Variants in CSE1L observed in about 807,000 individuals in gnomAD.
CSE1L encodes exportin-2.
A neutral mutation model predicts 120.4 loss-of-function variants in CSE1L; 24 were observed. The observed-to-expected ratio is 0.20, with a 90% confidence interval of 0.14 to 0.28. CSE1L has a LOEUF of 0.28. Ranked by LOEUF, CSE1L falls within the 10% of genes least tolerant of loss-of-function variation. The pLI, the probability that CSE1L is intolerant of heterozygous loss-of-function variation, is 1.00. For missense variants in CSE1L, 830 were observed against 1,145.2 expected (o/e 0.72, Z 3.97); for synonymous variants, 402 against 398.3 (o/e 1.01, Z -0.11).
intron 15 of CSE1L, among the ~76,000 whole-genome samples, 185 bp from the exon 16 acceptor site, chr20:49,085,098 G>C (rs2092044664): frequency 6.6e-6 from 1 of 152,152 alleles, no homozygotes; most frequent in Non-Finnish European, 1.5e-5. Flanking sequence ...TTCTCGATGT[G>C]CCTTCTTAGG....
intron 2 of CSE1L, among the ~76,000 whole-genome samples, chr20:49,059,656 G>T (rs910807930): frequency 1.6e-4 from 25 of 152,278 alleles, no homozygotes; most frequent in African/African-American, 6.0e-4. Context: ...GAGGTGGGCA[G>T]ATCACGAGGG....
Position 49,090,755 on chromosome 20 carries a change from G to C in CSE1L, c.2195G>C (p.Gly732Ala). 6.2e-7 allele frequency: 1 copy of C among 1,613,776 alleles called. No individual in the cohort carries two copies. Among genetic ancestry groups the C allele is most frequent in the Non-Finnish European group, 8.5e-7 (1 of 1,179,848 alleles). Reference sequence around the variant, plus strand: ...ATTTCTTAACAGCCTGGGTTACTAGGTGTCTTTCAGAAGCTGATTGCATCC... The same window carrying C: ...ATTTCTTAACAGCCTGGGTTACTAGCTGTCTTTCAGAAGCTGATTGCATCC... Reference protein sequence around the residue: ...AAADKIPGLLGVFQKLIASKA... With the variant: ...AAADKIPGLLAVFQKLIASKA... The change falls in exon 20 of 25, where the codon GGT (glycine) becomes GCT (alanine). Residue 732 changes from glycine to alanine, a missense_variant. Transcript: ENST00000262982.
At chr20:49,077,214 C>T in intron 13 of CSE1L, 150 bp downstream of exon 13, 1 of 532,054 alleles carries the variant, frequency 1.9e-6, no homozygotes, top group East Asian at 3.1e-5. Context: ...GGCTGGAGTG[C>T]AGTGGCACAG....
intron 16 of CSE1L, 61 bp from the exon 17 acceptor site, chr20:49,087,948 G>A (rs2092072828): frequency 7.1e-6 from 8 of 1,134,318 alleles, no homozygotes; most frequent in Non-Finnish European, 6.4e-6. Context: ...CCCCCCAGTC[G>A]CTCTCTTATT....
At chr20:49,063,127 T>TAC (rs979155245) in intron 2 of CSE1L, 75 bp from the exon 3 acceptor site, 1 of 631,764 alleles carries the variant, frequency 1.6e-6, no homozygotes, top group Non-Finnish European at 2.2e-6. Context: ...GATTTTTTTT[T>TAC]ATATATATAT....
chr20:49,062,814 T>C (rs2091862365), intron 2 of CSE1L, among the ~76,000 whole-genome samples: 1 of 151,936 alleles, frequency 6.6e-6, no homozygotes, highest in Non-Finnish European at 1.5e-5. Flanking sequence ...TCTTCATCAC[T>C]AGCCTATAAA....
Position 49,068,800 on chromosome 20 carries a change from T to C in CSE1L, c.653T>C (p.Leu218Ser). 6.2e-7 allele frequency: 1 copy of C among 1,611,390 alleles called. No individual in the cohort carries two copies. The highest frequency in any genetic ancestry group is 1.1e-5 in the South Asian group (1 of 91,050). Residue 218 changes from leucine (L) to serine (S), a missense_variant, in exon 7 of 25, where the codon TTG becomes TCG. By Grantham distance (145) the Leu-to-Ser change is moderately radical (BLOSUM62 -2). Transcript: ENST00000262982. ...LFSSLILISKLFYSLNFQDLP... is the reference protein window; with the variant it reads ...LFSSLILISKSFYSLNFQDLP... ...TCTTCCCTGATCCTGATCTCAAAAT[T>C]GTTCTATAGTTTAAACTTTCAGGTA...
At chr20:49,084,227 T>C (rs16994382) in intron 15 of CSE1L, 65 bp downstream of exon 15, 28,169 of 1,431,950 alleles carry the variant, frequency 0.02, 656 homozygotes, top group South Asian at 0.079. Flanking sequence ...GTCAAAGATA[T>C]CTGAATGTTT....
intron 22 of CSE1L, among the ~76,000 whole-genome samples, chr20:49,093,593 T>TG (rs2092117701): frequency 9.2e-6 from 1 of 108,820 alleles, no homozygotes; most frequent in Non-Finnish European, 1.9e-5. Context: ...TTTTTTTTTT[T>TG]GAGACTGGCC....
At chr20:49,082,500 G>T (rs1282003424) in intron 14 of CSE1L, among the ~76,000 whole-genome samples, 2 of 152,056 alleles carry the variant, frequency 1.3e-5, no homozygotes, top group Non-Finnish European at 2.9e-5. Flanking sequence ...TCATTTTTCT[G>T]TTTTTTGTTA....
chr20:49,062,365 T>C (rs1296719789), intron 2 of CSE1L, among the ~76,000 whole-genome samples: 1 of 152,140 alleles, frequency 6.6e-6, no homozygotes, highest in Non-Finnish European at 1.5e-5. Context: ...TCAAAAAATA[T>C]TGGAATATTG....
chr20:49,090,479 C>T (rs922598109), intron 19 of CSE1L, among the ~76,000 whole-genome samples: 1 of 152,116 alleles, frequency 6.6e-6, no homozygotes, highest in Non-Finnish European at 1.5e-5. Context: ...TCGCTTGAAC[C>T]TGGGAAGCAG....
rs572437117 is a variant in CSE1L, at chr20:49,053,609, C to T, written c.-11-4844C>T. ...CAGGTGATCTGCCCCTCTCAGCCTCCCAGAGTGCTGGGATTATAGGTGTGA... is the reference window on the plus strand; with the variant it reads ...CAGGTGATCTGCCCCTCTCAGCCTCTCAGAGTGCTGGGATTATAGGTGTGA... On this transcript the variant is annotated intron_variant, in intron 1 of 24. Transcript: ENST00000262982. Among the ~76,000 whole-genome samples the T allele has an allele frequency of 4.6e-5, 7 of 152,116 alleles. No homozygotes were observed. In the South Asian group the frequency reaches 6.2e-4, roughly 14 times the overall value.
chr20:49,079,772 A>G (rs2091996509), intron 14 of CSE1L, among the ~76,000 whole-genome samples: 1 of 151,964 alleles, frequency 6.6e-6, no homozygotes, highest in Non-Finnish European at 1.5e-5. Flanking sequence ...TGTGTTTTCT[A>G]TTTGCATTTG....
In CSE1L at chr20:49,085,396, T is replaced by C; in HGVS notation, c.1723+10T>C. 1 of 1,597,844 alleles carries C rather than the reference T, an allele frequency of 6.3e-7. No individual in the cohort carries two copies. Among genetic ancestry groups the C allele is most frequent in the South Asian group, 1.1e-5 (1 of 90,702 alleles). On this transcript the variant is annotated intron_variant, in intron 16 of 24. Transcript: ENST00000262982. ...GAATATATTATGAAAGGTAGGCTGT[T>C]TCCCTGGTGTGCAGACTACAGGTAT... is the stretch of plus-strand genomic sequence containing the variant.
At chr20:49,077,131 C>A in intron 13 of CSE1L, 67 bp downstream of exon 13, 1 of 849,710 alleles carries the variant, frequency 1.2e-6, no homozygotes, top group Non-Finnish European at 1.8e-6. Flanking sequence ...AAAACAGCTT[C>A]CTATCCTTGT....
intron 8 of CSE1L, among the ~76,000 whole-genome samples, chr20:49,071,154 A>G (rs2091928747): frequency 6.6e-6 from 1 of 152,250 alleles, no homozygotes; most frequent in Non-Finnish European, 1.5e-5. Context: ...TAAACTAAAA[A>G]TTAGAATTGG....
intron 2 of CSE1L, among the ~76,000 whole-genome samples, chr20:49,062,732 A>G (rs1057402529): frequency 2.0e-5 from 3 of 151,980 alleles, no homozygotes; most frequent in Non-Finnish European, 4.4e-5. Flanking sequence ...AATTTTACAT[A>G]TATAATATAT....
chr20:49,063,259 C>T lies in CSE1L; in HGVS notation c.143C>T (p.Thr48Ile), dbSNP rs774408375. ...CAGAATTATCCACTGTTGCTTTTGACATTACTGGAGAAGTCCCAGGATAAT... is the reference window on the plus strand; with the variant it reads ...CAGAATTATCCACTGTTGCTTTTGATATTACTGGAGAAGTCCCAGGATAAT... Reference protein sequence around the residue: ...GNQNYPLLLLTLLEKSQDNVI... With the variant: ...GNQNYPLLLLILLEKSQDNVI... The change falls in exon 3 of 25, where the codon ACA (threonine) becomes ATA (isoleucine). Residue 48 changes from threonine to isoleucine, a missense_variant. Coordinates refer to ENST00000262982, the MANE Select transcript of CSE1L (RefSeq NM_001316.4). The T allele has an allele frequency of 1.9e-6, 3 of 1,595,368 alleles. No individual in the cohort carries two copies. Among genetic ancestry groups the T allele is most frequent in the Non-Finnish European group, 1.7e-6 (2 of 1,171,264 alleles).
Sources: gnomAD v4.1 joint callset for allele counts (sites outside exome capture counted in the v4.1 genomes callset) on GRCh38, gnomAD v4.1.1 for gene constraint, MANE v1.5 for transcripts, NCBI Gene and HGNC (gene_info 2026-07-23, HGNC 2026-07-21) for gene names.